The following TRIM5 variants were observed in gnomAD, a reference collection of about 807,000 sequenced individuals.
The protein encoded by TRIM5 is tripartite motif-containing protein 5.
In TRIM5, 31 loss-of-function variants were observed where a neutral mutation model predicts 35.6. The observed-to-expected ratio is 0.87, with a 90% CI of 0.65 to 1.18. The LOEUF is 1.18. Ranked by LOEUF, TRIM5 falls within the 50% of genes most tolerant of loss-of-function variation. The pLI is 0.00. For missense variants in TRIM5, 609 were observed against 591.6 expected, an observed-to-expected ratio of 1.03 and a Z score of -0.31; for synonymous variants, 243 against 215.6, an observed-to-expected ratio of 1.13 and a Z score of -1.11.
Position 5,665,996 on chromosome 11 carries a change from G to A in TRIM5, c.853C>T (p.Leu285=), listed in dbSNP as rs145947394. Residue 285 remains leucine (L), a synonymous_variant, in exon 6 of 8, where the codon CTA becomes TTA. Coordinates refer to ENST00000380034, the MANE Select transcript of TRIM5 (RefSeq NM_033034.3). ...VFRAPDLKGM[L]EVFRELTDVR... is the part of the protein sequence containing the mutation. The stretch of plus-strand genomic sequence containing the variant: ...CTCTCCTCACCTCTAAACACTTCTA[G>A]CATTCCTTTCAGATCAGGAGCTCGA... 4.0e-5 allele frequency: 64 copies of A among 1,611,240 alleles called. No homozygotes were observed. In the African/African-American group the frequency reaches 6.7e-4, roughly 17 times the overall value.
At chr11:5,655,629 C>A in the TRIM5 span, 1 of 985,022 alleles carries the variant, frequency 1.0e-6, no homozygotes, top group Non-Finnish European at 1.2e-6. Context: ...GATTGCCATG[C>A]TCCTCAGCGT....
At chr11:5,609,525 A>C in the TRIM5 span, among the ~76,000 whole-genome samples, 1 of 152,184 alleles carries the variant, frequency 6.6e-6, no homozygotes, top group African/African-American at 2.4e-5. Context: ...AAAGATTTCC[A>C]AGCCATTATT....
the TRIM5 span, among the ~76,000 whole-genome samples, chr11:5,653,810 C>T: frequency 6.6e-6 from 1 of 152,016 alleles, no homozygotes; most frequent in African/African-American, 2.4e-5. Flanking sequence ...TTATTTAATA[C>T]AGTTCCATAT....
At chr11:5,592,992 G>GA in the TRIM5 span, among the ~76,000 whole-genome samples, 5 of 151,274 alleles carry the variant, frequency 3.3e-5, no homozygotes, top group African/African-American at 9.7e-5. Flanking sequence ...AAGAAGGATG[G>GA]AAAAAAGAGA....
At chr11:5,604,078 C>G in the TRIM5 span, among the ~76,000 whole-genome samples, 3 of 152,116 alleles carry the variant, frequency 2.0e-5, no homozygotes, top group Non-Finnish European at 2.9e-5. Flanking sequence ...TCACTGCAAC[C>G]TCCGCCTCCC....
At chr11:5,609,479 AT>A in the TRIM5 span, among the ~76,000 whole-genome samples, 8 of 152,150 alleles carry the variant, frequency 5.3e-5, no homozygotes, top group African/African-American at 1.9e-4. Context: ...AACCCCTCTG[AT>A]TTTAAATATT....
At chr11:5,601,272 C>T in the TRIM5 span, among the ~76,000 whole-genome samples, 1 of 152,264 alleles carries the variant, frequency 6.6e-6, no homozygotes, top group East Asian at 1.9e-4. Context: ...TGAACTAGCA[C>T]CCTGGAAAGG....
intron 4 of TRIM5, among the ~76,000 whole-genome samples, chr11:5,677,340 A>G (rs1471212020): frequency 1.3e-5 from 2 of 152,256 alleles, no homozygotes; most frequent in East Asian, 3.8e-4. Flanking sequence ...GCAGCCAAAA[A>G]GCACATGAAA....
At chr11:5,659,326 G>A (rs1166078616), downstream of TRIM5, among the ~76,000 whole-genome samples, 1 of 152,090 alleles carries the variant, frequency 6.6e-6, no homozygotes, top group African/African-American at 2.4e-5. Flanking sequence ...GCCCTGCAAA[G>A]GGAACAAGGG....
At chr11:5,678,080 T>C (rs1852130588) in intron 4 of TRIM5, 124 bp downstream of exon 4, 3 of 733,976 alleles carry the variant, frequency 4.1e-6, no homozygotes, top group South Asian at 5.0e-5. Flanking sequence ...ACTTCAGCAA[T>C]TGATTCAGAA....
chr11:5,667,272 T>G (rs948851178), intron 5 of TRIM5, among the ~76,000 whole-genome samples: 4 of 152,180 alleles, frequency 2.6e-5, no homozygotes, highest in Admixed American at 6.5e-5. Flanking sequence ...AGTGGCATGG[T>G]CTTGGCTCAC....
the TRIM5 span, among the ~76,000 whole-genome samples, chr11:5,613,702 C>T: frequency 6.6e-6 from 1 of 152,272 alleles, no homozygotes; most frequent in Admixed American, 6.5e-5. Context: ...ACTCATTTTA[C>T]AAGTAAATTT....
At chr11:5,678,577 C>A in intron 3 of TRIM5, 143 bp from the exon 4 acceptor site, 1 of 598,792 alleles carries the variant, frequency 1.7e-6, no homozygotes, top group South Asian at 2.8e-5. Context: ...GCTGCCTTTT[C>A]CTATTTCTTT....
chr11:5,630,845 C>G, the TRIM5 span, among the ~76,000 whole-genome samples: 1 of 152,170 alleles, frequency 6.6e-6, no homozygotes, highest in African/African-American at 2.4e-5. Flanking sequence ...CTGGCTAATA[C>G]CATCTGTTCA....
At chr11:5,617,813 C>T in the TRIM5 span, among the ~76,000 whole-genome samples, 1 of 151,180 alleles carries the variant, frequency 6.6e-6, no homozygotes, top group Non-Finnish European at 1.5e-5. Context: ...TATAGTGGTC[C>T]TATGAAAATA....
chr11:5,655,763 T>C, the TRIM5 span: 1 of 842,404 alleles, frequency 1.2e-6, no homozygotes, highest in Non-Finnish European at 1.4e-6. Context: ...TATAAAATCA[T>C]TCAGTGCTAC....
chr11:5,665,231 T>C lies in TRIM5; in HGVS notation c.1060A>G (p.Ile354Val), dbSNP rs1252617958. The change falls in exon 8 of 8, where the codon ATC becomes GTC. Residue 354 changes from isoleucine to valine, a missense_variant. Transcript: ENST00000380034. ...YCTGILGSQS[I>V]TSGKHYWEVD... ...TCCCAGTAATGTTTCCCTGATGTGA[T>C]ACTTTGAGAGCCCAGGATGCCAGTA... 2 of 1,614,232 alleles carry C rather than the reference T, an allele frequency of 1.2e-6. No individual in the cohort carries two copies. Among genetic ancestry groups the C allele is most frequent in the Admixed American group, 1.7e-5 (1 of 60,030 alleles).
intron 4 of TRIM5, among the ~76,000 whole-genome samples, chr11:5,670,297 C>A (rs1188589888): frequency 6.7e-6 from 1 of 149,860 alleles, no homozygotes; most frequent in Non-Finnish European, 1.5e-5. Flanking sequence ...CCTGTTTCAG[C>A]CTCCCGAGTA....
At position 5,665,265 on chromosome 11, in the gene TRIM5, G is replaced by A. The variant is rs1397128947; in HGVS notation, c.1026C>T (p.Phe342=). Reference sequence around the variant, plus strand: ...AGCCCAGGATGCCAGTACAATAATTGAAATTCACAAATGTCTGGTATCTTG... The same window carrying A: ...AGCCCAGGATGCCAGTACAATAATTAAAATTCACAAATGTCTGGTATCTTG... ...RGTRYQTFVN[F]NYCTGILGSQ... is the part of the protein sequence containing the mutation. The change falls in exon 8 of 8, where the codon TTC becomes TTT. Residue 342 remains phenylalanine, a synonymous_variant. Coordinates refer to ENST00000380034, the MANE Select transcript of TRIM5 (RefSeq NM_033034.3). The A allele has an allele frequency of 6.2e-7, 1 of 1,614,012 alleles. No individual in the cohort carries two copies. The highest frequency in any genetic ancestry group is 1.3e-5 in the African/African-American group (1 of 74,904).
Sources: allele counts gnomAD v4.1 joint callset (sites outside exome capture counted in the v4.1 genomes callset), GRCh38; gene constraint gnomAD v4.1.1; transcripts MANE v1.5; gene names NCBI Gene and HGNC (gene_info 2026-07-23, HGNC 2026-07-21).